The following OR1I1 variants were observed in gnomAD, a reference collection of about 807,000 sequenced individuals.
OR1I1 encodes olfactory receptor family 1 subfamily I member 1.
For synonymous variants in OR1I1, 171 were observed against 181.4 expected, an observed-to-expected ratio of 0.94 and a Z score of 0.46; for missense variants, 451 against 443.6, an observed-to-expected ratio of 1.02 and a Z score of -0.15.
rs1473383819 is a variant in OR1I1, at chr19:15,090,684, C to CT, written c.*2552dup. 5 of 152,350 alleles carry CT rather than the reference C, an allele frequency of 3.3e-5. No individual in the cohort carries two copies. Among genetic ancestry groups the CT allele is most frequent in the Non-Finnish European group, 4.4e-5 (3 of 68,216 alleles). 9.4% of individuals were successfully genotyped at this position (152,350 alleles called of 1,614,324 possible). On this transcript the variant is annotated 3_prime_UTR_variant, in exon 2 of 2. Coordinates refer to ENST00000641398, the MANE Select transcript of OR1I1 (RefSeq NM_001004713.2). ...AGCTAAAGTGCAACCTCACCTCAAA[C>CT]TCCTGGGCTCAAGCAATCCTCCTGC... is the stretch of plus-strand genomic sequence containing the variant.
rs73522019 is a variant in OR1I1, at chr19:15,087,087, G to A, written c.22G>A (p.Glu8Lys). MEPEKQT[E>K]ISEFFLQGLS... Reference sequence around the variant, plus strand: ...ATACATGGAACCAGAAAAGCAAACCGAAATCTCAGAATTCTTCCTCCAGGG... The same window carrying A: ...ATACATGGAACCAGAAAAGCAAACCAAAATCTCAGAATTCTTCCTCCAGGG... The change falls in exon 2 of 2, where the codon GAA becomes AAA. Residue 8 changes from glutamate (E) to lysine (K), a missense_variant. Coordinates refer to ENST00000641398, the MANE Select transcript of OR1I1 (RefSeq NM_001004713.2). 3.5e-3 allele frequency: 5,655 copies of A among 1,612,520 alleles called. 175 individuals carry two copies. The African/African-American group carries it at 0.064, about 18-fold the overall frequency.
chr19:15,083,022 G>A (rs975618652), intron 1 of OR1I1, among the ~76,000 whole-genome samples: 1 of 151,726 alleles, frequency 6.6e-6, no homozygotes, highest in African/African-American at 2.4e-5. Flanking sequence ...GCCCAGGATG[G>A]TCTCACACTC....
rs539780432 is a variant in OR1I1, at chr19:15,082,825, T to C, written c.-14+549T>C. Among the ~76,000 whole-genome samples, 8 of 152,118 alleles carry C rather than the reference T, an allele frequency of 5.3e-5. No homozygotes were observed. In the South Asian group the frequency reaches 1.7e-3, roughly 32 times the overall value. On this transcript the variant is annotated intron_variant, in intron 1 of 1. Coordinates refer to ENST00000641398, the MANE Select transcript of OR1I1 (RefSeq NM_001004713.2). ...TGTTTGTTTGTTTGTTCTTTCTGTT[T>C]TTGAGACAGGGTCTCGCTCTGTTGC...
intron 1 of OR1I1, among the ~76,000 whole-genome samples, chr19:15,085,155 TATATATATATATATATATA>T (rs1408608381): frequency 0.066 from 2,985 of 45,434 alleles, 283 homozygotes; most frequent in Non-Finnish European, 0.087. Context: ...TATATATATA[TATATATATATATATATATA>T]TATTTTTTTT....
rs1876887314 is a variant in OR1I1, at chr19:15,090,849, C to CA, written c.*2719dup. ...AAGAGATCTGCCCTCCTCGGCTTCA[C>CA]AAAGTGCTGGGATTGCAGGTGTAAA... is the stretch of plus-strand genomic sequence containing the variant. On this transcript the variant is annotated 3_prime_UTR_variant, in exon 2 of 2. Transcript: ENST00000641398. The CA allele has an allele frequency of 6.6e-6, 1 of 152,280 alleles. No homozygotes were observed. The highest frequency in any genetic ancestry group is 2.4e-5 in the African/African-American group (1 of 41,466). The allele number at this position is 152,280 out of a possible 1,614,324, so 9.4% of individuals were successfully genotyped here.
At chr19:15,084,036 C>T (rs561036703) in intron 1 of OR1I1, among the ~76,000 whole-genome samples, 1 of 152,250 alleles carries the variant, frequency 6.6e-6, no homozygotes, top group East Asian at 1.9e-4. Context: ...TTCCCTTGCA[C>T]GTGTTGACAG....
rs1372778877 is a variant in OR1I1, at chr19:15,085,165, TATATATATATA to T, written c.-13-1887_-13-1877del. On this transcript the variant is annotated intron_variant, in intron 1 of 1. Transcript: ENST00000641398. ...ATATATATATATATATATATATATA[TATATATATATA>T]TTTTTTTTTTTGAGACAGAGTTTCG... Among the ~76,000 whole-genome samples the T allele has an allele frequency of 5.7e-3, 259 of 45,830 alleles. 18 individuals carry two copies. Among genetic ancestry groups the T allele is most frequent in the African/African-American group, 0.015 (119 of 8,050 alleles). The allele number at this position is 45,830 out of a possible 152,430, so 30.1% of individuals were successfully genotyped here.
intron 1 of OR1I1, among the ~76,000 whole-genome samples, chr19:15,084,937 T>G (rs531861375): frequency 7.3e-5 from 11 of 151,626 alleles, no homozygotes; most frequent in African/African-American, 2.7e-4. Flanking sequence ...TGAGCTGTGA[T>G]TGTGCCACCG....
rs758749667 is a variant in OR1I1, at chr19:15,087,567, T to A, written c.502T>A (p.Phe168Ile). The stretch of plus-strand genomic sequence containing the variant: ...CACCTGCCTCATGGCTCAACTGACC[T>A]TCTGCGCCGGCTCTGAAATCTCCCA... The part of the protein sequence containing the change: ...IHTCLMAQLT[F>I]CAGSEISHFF... Residue 168 changes from phenylalanine (F) to isoleucine (I), a missense_variant, in exon 2 of 2, where the codon TTC (phenylalanine) becomes ATC (isoleucine). By Grantham distance (21) the Phe-to-Ile change is conservative. Coordinates refer to ENST00000641398, the MANE Select transcript of OR1I1 (RefSeq NM_001004713.2). 3 of 1,614,054 alleles carry A rather than the reference T, an allele frequency of 1.9e-6. No homozygotes were observed. The Admixed American group carries it at 5.0e-5, about 27-fold the overall frequency.
At position 15,083,034 on chromosome 19, in the gene OR1I1, C is replaced by T. The variant is rs529419821; in HGVS notation, c.-14+758C>T. On this transcript the variant is annotated intron_variant, in intron 1 of 1. Coordinates refer to ENST00000641398, the MANE Select transcript of OR1I1 (RefSeq NM_001004713.2). ...GTTGCCCAGGATGGTCTCACACTCC[C>T]GGGCTCAAGAGATCCTCCTACCTTG... Among the ~76,000 whole-genome samples the T allele has an allele frequency of 3.9e-5, 6 of 151,960 alleles. No homozygotes were observed. The East Asian group carries it at 9.7e-4, about 25-fold the overall frequency.
At position 15,086,865 on chromosome 19, in the gene OR1I1, G is replaced by A. The variant is rs777949480; in HGVS notation, c.-13-188G>A. 7.0e-5 allele frequency: 58 copies of A among 830,878 alleles called. No homozygotes were observed. The Admixed American group carries it at 7.7e-4, about 11-fold the overall frequency. The allele number at this position is 830,878 out of a possible 1,614,324, so 51.5% of individuals were successfully genotyped here. A position where few individuals can be genotyped will look rare whatever the true frequency, so the allele number is the denominator to read the frequency against. On this transcript the variant is annotated intron_variant, in intron 1 of 1. Coordinates refer to ENST00000641398, the MANE Select transcript of OR1I1 (RefSeq NM_001004713.2). Reference sequence around the variant, plus strand: ...TTGAGACCCTGACTGTCTCAGGCATGAATGACTTGGCTTGAGGAGCAACAG... The same window carrying A: ...TTGAGACCCTGACTGTCTCAGGCATAAATGACTTGGCTTGAGGAGCAACAG...
At chr19:15,085,171 TATATA>T (rs1271763536) in intron 1 of OR1I1, among the ~76,000 whole-genome samples, 1,197 of 29,520 alleles carry the variant, frequency 0.041, 116 homozygotes, top group Non-Finnish European at 0.057. Flanking sequence ...TATATATATA[TATATA>T]TTTTTTTTTT....
intron 1 of OR1I1, among the ~76,000 whole-genome samples, chr19:15,082,772 C>CG (rs34665427): frequency 1.8e-5 from 2 of 112,806 alleles, no homozygotes; most frequent in East Asian, 2.5e-4. Flanking sequence ...AGTTTGGGAG[C>CG]GGGGGGGAGG....
rs944277596 is a variant in OR1I1, at chr19:15,083,988, G to T, written c.-14+1712G>T. Among the ~76,000 whole-genome samples, 6 of 151,952 alleles carry T rather than the reference G, an allele frequency of 3.9e-5. No individual in the cohort carries two copies. In the East Asian group the frequency reaches 1.2e-3, roughly 29 times the overall value. ...AGGTGACAGAGTGAGACTCTGTCTCGAAAAGAAACACGTGTAAATGCTTGT... is the reference window on the plus strand; with the variant it reads ...AGGTGACAGAGTGAGACTCTGTCTCTAAAAGAAACACGTGTAAATGCTTGT... On this transcript the variant is annotated intron_variant, in intron 1 of 1. Transcript: ENST00000641398.
rs1288005458 is a variant in OR1I1 at position 15,087,424 on chromosome 19, T to C, written c.359T>C (p.Ile120Thr). The C allele has an allele frequency of 6.2e-7, 1 of 1,614,070 alleles. No homozygotes were observed. Among genetic ancestry groups the C allele is most frequent in the Non-Finnish European group, 8.5e-7 (1 of 1,179,934 alleles). Residue 120 changes from isoleucine (I) to threonine (T), a missense_variant, in exon 2 of 2, where the codon ATC becomes ACC. By Grantham distance (89) the Ile-to-Thr change is moderately conservative. Coordinates refer to ENST00000641398, the MANE Select transcript of OR1I1 (RefSeq NM_001004713.2). ...MDSFLLAVMA[I>T]DRFVAIVHPQ... The stretch of plus-strand genomic sequence containing the variant: ...AGCTTTCTCCTGGCAGTAATGGCCA[T>C]CGACCGCTTCGTGGCCATTGTCCAC...
chr19:15,085,174 A>ATGTT lies in OR1I1; in HGVS notation c.-13-1878_-13-1877insGTTT, dbSNP rs1188702949. Among the ~76,000 whole-genome samples, 368 of 56,872 alleles carry ATGTT rather than the reference A, an allele frequency of 6.5e-3. 28 individuals carry two copies. The highest frequency in any genetic ancestry group is 0.024 in the South Asian group (34 of 1,416). 37.3% of individuals were successfully genotyped at this position (56,872 alleles called of 152,430 possible). ...TATATATATATATATATATATATAT[A>ATGTT]TATTTTTTTTTTTGAGACAGAGTTT... On this transcript the variant is annotated intron_variant, in intron 1 of 1. Coordinates refer to ENST00000641398, the MANE Select transcript of OR1I1 (RefSeq NM_001004713.2).
At chr19:15,086,439 T>A (rs2046230359) in intron 1 of OR1I1, among the ~76,000 whole-genome samples, 1 of 152,142 alleles carries the variant, frequency 6.6e-6, no homozygotes. Flanking sequence ...TGCTTGATTT[T>A]CTTTTTTTAT....
chr19:15,083,671 C>A (rs1291416910), intron 1 of OR1I1, among the ~76,000 whole-genome samples: 11 of 152,174 alleles, frequency 7.2e-5, no homozygotes, highest in African/African-American at 2.7e-4. Flanking sequence ...TTCCTAAAAA[C>A]CCCTTTCATC....
At position 15,088,163 on chromosome 19, in the gene OR1I1, C is replaced by A; in HGVS notation, c.*30C>A. On this transcript the variant is annotated 3_prime_UTR_variant, in exon 2 of 2. Transcript: ENST00000641398. ...TTCCAGTACAACGTGATAAATGTGT[C>A]ATAAAGAGATGAACAAAGTGTATGA... The A allele has an allele frequency of 6.6e-7, 1 of 1,516,116 alleles. No individual in the cohort carries two copies. Among genetic ancestry groups the A allele is most frequent in the South Asian group, 1.3e-5 (1 of 77,972 alleles). 93.9% of individuals were successfully genotyped at this position (1,516,116 alleles called of 1,614,324 possible).
Sources: allele counts gnomAD v4.1 joint callset (sites outside exome capture counted in the v4.1 genomes callset), GRCh38; gene constraint gnomAD v4.1.1; transcripts MANE v1.5; gene names NCBI Gene and HGNC (gene_info 2026-07-23, HGNC 2026-07-21).